Variants in FUT8 observed in about 807,000 individuals in gnomAD.
FUT8 encodes alpha-(1,6)-fucosyltransferase.
FUT8 carries 29 observed loss-of-function variants against 71.3 expected under a neutral mutation model. The ratio of observed to expected loss-of-function variants is 0.41; its 90% CI spans 0.30 to 0.55. The LOEUF (loss-of-function observed/expected upper bound fraction) is 0.55, where lower values mean the gene tolerates loss of function less well. Among genes scored for constraint, FUT8 ranks in the 20% least tolerant of loss-of-function variants. The pLI, the probability that FUT8 is intolerant of heterozygous loss-of-function variation, is 0.34. For missense variants in FUT8, 544 were observed against 702.1 expected (o/e 0.77, Z 2.55); for synonymous variants, 254 against 239.3 (o/e 1.06, Z -0.57).
At chr14:65,729,419 A>G (rs11624104) in intron 9 of FUT8, among the ~76,000 whole-genome samples, 59,195 of 151,894 alleles carry the variant, frequency 0.39, 12,921 homozygotes, top group Non-Finnish European at 0.5. Flanking sequence ...CTTATTTCCA[A>G]TGTTTCATTC....
At chr14:65,594,624 C>T (rs982868185) in intron 3 of FUT8, among the ~76,000 whole-genome samples, 11 of 152,082 alleles carry the variant, frequency 7.2e-5, no homozygotes, top group African/African-American at 2.7e-4. Flanking sequence ...GAAATGAGGT[C>T]ATGCAGATGA....
At chr14:65,533,839 A>G (rs1394958567) in intron 2 of FUT8, among the ~76,000 whole-genome samples, 3 of 152,040 alleles carry the variant, frequency 2.0e-5, no homozygotes, top group Admixed American at 1.3e-4. Context: ...ACATGAAGGG[A>G]TGGTGACTTT....
At chr14:65,688,190 G>A (rs968926775) in intron 7 of FUT8, among the ~76,000 whole-genome samples, 3 of 152,024 alleles carry the variant, frequency 2.0e-5, no homozygotes, top group Non-Finnish European at 2.9e-5. Context: ...ATTCACTGTA[G>A]CATAATCATA....
At chr14:65,361,419 C>G in the FUT8 span, among the ~76,000 whole-genome samples, 5 of 149,640 alleles carry the variant, frequency 3.3e-5, no homozygotes, top group Non-Finnish European at 7.4e-5. Context: ...AGGATACTTA[C>G]TAGGACTAAA....
At chr14:65,529,021 C>G (rs1883737784) in intron 2 of FUT8, 2 of 159,056 alleles carry the variant, frequency 1.3e-5, no homozygotes, top group Admixed American at 1.3e-4. Flanking sequence ...AATAGTCTCA[C>G]AGACCAACCA....
At chr14:65,678,875 C>G (rs952946478) in intron 7 of FUT8, among the ~76,000 whole-genome samples, 1 of 152,140 alleles carries the variant, frequency 6.6e-6, no homozygotes, top group African/African-American at 2.4e-5. Flanking sequence ...TGGTATCTCT[C>G]TATTGACTGG....
chr14:65,671,329 G>A lies in FUT8; in HGVS notation c.835+1849G>A, dbSNP rs961596563. On this transcript the variant is annotated intron_variant, in intron 7 of 10. Transcript: ENST00000673929. ...ATCCTTACTTGTACATTTTGTAGTC[G>A]GTAGTGGCAACCACAGGGTATGAAA... 7.9e-5 allele frequency among the ~76,000 whole-genome samples: 12 copies of A among 152,182 alleles called. No individual in the cohort carries two copies. The East Asian group carries it at 1.4e-3, about 17-fold the overall frequency.
intron 6 of FUT8, among the ~76,000 whole-genome samples, chr14:65,634,487 T>C (rs1054100636): frequency 3.3e-5 from 5 of 150,796 alleles, no homozygotes; most frequent in African/African-American, 4.9e-5. Flanking sequence ...TGTTTATCTG[T>C]GGACCTTCCC....
intron 2 of FUT8, among the ~76,000 whole-genome samples, chr14:65,463,932 T>C (rs1162208827): frequency 6.6e-6 from 1 of 152,230 alleles, no homozygotes; most frequent in Non-Finnish European, 1.5e-5. Flanking sequence ...TGTGTTTTGT[T>C]GGACTCAAAG....
chr14:65,676,827 C>A (rs1215791232), intron 7 of FUT8, among the ~76,000 whole-genome samples: 1 of 152,048 alleles, frequency 6.6e-6, no homozygotes, highest in East Asian at 1.9e-4. Context: ...TAGAGTGATT[C>A]TACAAACAAG....
In FUT8 at chr14:65,413,460, G is replaced by T. The variant is rs1431059107; in HGVS notation, c.-326+246G>T. On this transcript the variant is annotated intron_variant, in intron 1 of 10. Transcript: ENST00000673929. The surrounding 1 kb of genome is among the most constrained non-coding windows in gnomAD (Gnocchi z 4.1). Reference sequence around the variant, plus strand: ...TGAGGGGCGCCCGCCTCTCCAGCCGGGACGCGGAGCTGCGCCGCTGCTGCC... The same window carrying T: ...TGAGGGGCGCCCGCCTCTCCAGCCGTGACGCGGAGCTGCGCCGCTGCTGCC... Among the ~76,000 whole-genome samples the T allele has an allele frequency of 1.3e-5, 2 of 151,994 alleles. No homozygotes were observed. Among genetic ancestry groups the T allele is most frequent in the Non-Finnish European group, 2.9e-5 (2 of 67,996 alleles).
intron 1 of FUT8, among the ~76,000 whole-genome samples, chr14:65,437,911 T>C (rs910151042): frequency 6.6e-6 from 1 of 152,134 alleles, no homozygotes; most frequent in Non-Finnish European, 1.5e-5. Context: ...TTTATAGTGA[T>C]AGTGATTTTT....
intron 10 of FUT8, among the ~76,000 whole-genome samples, chr14:65,734,334 A>G (rs1338663480): frequency 6.6e-6 from 1 of 152,224 alleles, no homozygotes; most frequent in Admixed American, 6.5e-5. Flanking sequence ...TTCGGAGAGT[A>G]AAAGGAAATG....
intron 2 of FUT8, among the ~76,000 whole-genome samples, chr14:65,527,256 T>G (rs1300357152): frequency 6.6e-6 from 1 of 152,218 alleles, no homozygotes; most frequent in Non-Finnish European, 1.5e-5. Flanking sequence ...GAGGCTTTGT[T>G]TGTTTCTTTT....
At chr14:65,390,269 G>A in the FUT8 span, among the ~76,000 whole-genome samples, 1 of 150,026 alleles carries the variant, frequency 6.7e-6, no homozygotes, top group Non-Finnish European at 1.5e-5. Context: ...GTTGCATTGA[G>A]CTGAGATTGT....
chr14:65,595,060 CT>C (rs1437855798), intron 3 of FUT8, among the ~76,000 whole-genome samples: 4 of 152,188 alleles, frequency 2.6e-5, no homozygotes, highest in Non-Finnish European at 4.4e-5. Flanking sequence ...TGACTTGCCC[CT>C]GTCTGCCTAG....
chr14:65,664,483 G>A (rs1194579604), intron 6 of FUT8, among the ~76,000 whole-genome samples: 5 of 152,116 alleles, frequency 3.3e-5, no homozygotes, highest in Non-Finnish European at 5.9e-5. Flanking sequence ...AAATCTTGCT[G>A]AATTTTATCA....
rs373634689 is a variant in FUT8, at chr14:65,621,306, G to A, written c.482+4933G>A. The stretch of plus-strand genomic sequence containing the variant: ...CGCTCTGTTGCCAGGCTGGAGTGCA[G>A]TGGTGTGATCTCGGCTCACTGCAAG... On this transcript the variant is annotated intron_variant, in intron 5 of 10. Coordinates refer to ENST00000673929, the MANE Select transcript of FUT8 (RefSeq NM_001371533.1). 1.1e-4 allele frequency among the ~76,000 whole-genome samples: 17 copies of A among 151,206 alleles called. 3 individuals carry two copies. Among genetic ancestry groups the A allele is most frequent in the African/African-American group, 3.6e-4 (15 of 41,168 alleles).
intron 2 of FUT8, among the ~76,000 whole-genome samples, chr14:65,515,460 C>CT (rs1047306229): frequency 3.7e-4 from 53 of 142,208 alleles, no homozygotes; most frequent in African/African-American, 6.4e-4. Flanking sequence ...TTTTTCTTTG[C>CT]TTTTTTTTTT....
Sources: allele counts gnomAD v4.1 joint callset (sites outside exome capture counted in the v4.1 genomes callset), GRCh38; gene constraint gnomAD v4.1.1; non-coding constraint Gnocchi (gnomAD v3.1); transcripts MANE v1.5; gene names NCBI Gene and HGNC (gene_info 2026-07-23, HGNC 2026-07-21).